Variants in DSCAML1 observed in about 807,000 individuals in gnomAD.
DSCAML1 encodes DS cell adhesion molecule like 1.
Under a neutral mutation model 200.5 loss-of-function variants are expected in DSCAML1, and 38 were observed. That is an observed-to-expected ratio of 0.19 (90% confidence interval 0.15 to 0.25). The LOEUF (loss-of-function observed/expected upper bound fraction) is 0.25. DSCAML1 is among the 10% of genes least tolerant of loss of function. The pLI, the probability that DSCAML1 is intolerant of heterozygous loss-of-function variation, is 1.00. For missense variants in DSCAML1, 2,223 were observed against 2,858.8 expected, an observed-to-expected ratio of 0.78 and a Z score of 5.07; for synonymous variants, 1,215 against 1,165.0, an observed-to-expected ratio of 1.04 and a Z score of -0.87.
At chr11:117,795,824 G>C (rs577815759) in intron 1 of DSCAML1, among the ~76,000 whole-genome samples, 1 of 152,324 alleles carries the variant, frequency 6.6e-6, no homozygotes, top group African/African-American at 2.4e-5. Flanking sequence ...CCCTCCCCGG[G>C]TGGCAACCCT....
rs1467457863 is a variant in DSCAML1, at chr11:117,489,601, G to A, written c.2360-7439C>T. Among the ~76,000 whole-genome samples the A allele has an allele frequency of 6.6e-6, 1 of 152,142 alleles. No homozygotes were observed. Among genetic ancestry groups the A allele is most frequent in the Non-Finnish European group, 1.5e-5 (1 of 68,002 alleles). On this transcript the variant is annotated intron_variant, in intron 11 of 32. Transcript: ENST00000651296. The surrounding 1 kb of genome is among the most constrained non-coding windows in gnomAD (Gnocchi z 4.8). Reference sequence around the variant, plus strand: ...TAGGGTCTTCTCTCTGAGACCCTGGGGGAGTGAAGACCCTGGTGTGAAGAC... The same window carrying A: ...TAGGGTCTTCTCTCTGAGACCCTGGAGGAGTGAAGACCCTGGTGTGAAGAC...
At chr11:117,745,526 C>T (rs2054503121) in intron 3 of DSCAML1, among the ~76,000 whole-genome samples, 1 of 152,138 alleles carries the variant, frequency 6.6e-6, no homozygotes, top group South Asian at 2.1e-4. Flanking sequence ...TCCCGGCCCT[C>T]CTAGTCTCAC....
intron 3 of DSCAML1, among the ~76,000 whole-genome samples, chr11:117,591,637 A>G (rs1036736516): frequency 6.6e-6 from 1 of 152,170 alleles, no homozygotes; most frequent in Non-Finnish European, 1.5e-5. Flanking sequence ...CTCACTTTGC[A>G]TTCCTTCGGA....
At chr11:117,736,838 T>C (rs774416791) in intron 3 of DSCAML1, among the ~76,000 whole-genome samples, 61 of 152,236 alleles carry the variant, frequency 4.0e-4, no homozygotes, top group East Asian at 1.9e-4. Flanking sequence ...CAACTGTGAA[T>C]TGTAGGTCCC....
At chr11:117,442,333 A>AGTGTGTAT (rs58881481) in intron 21 of DSCAML1, among the ~76,000 whole-genome samples, 30,618 of 150,090 alleles carry the variant, frequency 0.2, 4,272 homozygotes, top group East Asian at 0.59. Context: ...TAGTGTGTAT[A>AGTGTGTAT]GTGTGTATGT....
chr11:117,438,960 T>C lies in DSCAML1; in HGVS notation c.4168A>G (p.Thr1390Ala). ...VQVPPDQPRL[T>A]VSKTSASSIT... ...GACGAAGCTGAGGTTTTGGAGACAGTGAGGCGGGGCTGGTCCGGGGGAACT... is the reference window on the plus strand; with the variant it reads ...GACGAAGCTGAGGTTTTGGAGACAGCGAGGCGGGGCTGGTCCGGGGGAACT... The change falls in exon 24 of 33, where the codon ACT (threonine) becomes GCT (alanine). Residue 1390 changes from threonine to alanine, a missense_variant. This residue lies in a region of DSCAML1 where 614 missense variants were observed against 739.1 expected (regional missense o/e 0.83). Coordinates refer to ENST00000651296, the MANE Select transcript of DSCAML1 (RefSeq NM_020693.4). 1.2e-6 allele frequency: 2 copies of C among 1,608,372 alleles called. No individual in the cohort carries two copies. The highest frequency in any genetic ancestry group is 1.7e-6 in the Non-Finnish European group (2 of 1,178,096).
intron 3 of DSCAML1, among the ~76,000 whole-genome samples, chr11:117,628,831 C>T (rs77915118): frequency 0.025 from 3,852 of 152,190 alleles, 167 homozygotes; most frequent in African/African-American, 0.085. Flanking sequence ...CTCAATCTGC[C>T]CATTTTACAG....
chr11:117,651,851 T>C (rs1402808695), intron 3 of DSCAML1, among the ~76,000 whole-genome samples: 1 of 152,012 alleles, frequency 6.6e-6, no homozygotes, highest in East Asian at 1.9e-4. Flanking sequence ...ATCCCCGATG[T>C]CTCCCCGAGC....
chr11:117,488,540 G>C (rs12222916), intron 11 of DSCAML1, among the ~76,000 whole-genome samples: 25,212 of 150,994 alleles, frequency 0.17, 2,257 homozygotes, highest in South Asian at 0.24. Flanking sequence ...CACAGACACA[G>C]ACACACACAC....
intron 3 of DSCAML1, among the ~76,000 whole-genome samples, chr11:117,641,033 A>T (rs1042922010): frequency 2.0e-5 from 3 of 152,230 alleles, no homozygotes; most frequent in Non-Finnish European, 4.4e-5. Flanking sequence ...ATTTTGATAG[A>T]GGGGAATACA....
chr11:117,677,074 T>C (rs552476308), intron 3 of DSCAML1, among the ~76,000 whole-genome samples: 26 of 152,344 alleles, frequency 1.7e-4, no homozygotes, highest in African/African-American at 5.1e-4. Flanking sequence ...CACAAAGGTT[T>C]GAGTAAGTCC....
At chr11:117,761,437 C>A (rs1030689916) in intron 3 of DSCAML1, among the ~76,000 whole-genome samples, 3 of 152,230 alleles carry the variant, frequency 2.0e-5, no homozygotes, top group African/African-American at 7.2e-5. Flanking sequence ...GAACCAGGAG[C>A]CCCAGATGTG....
At chr11:117,482,289 C>A in intron 11 of DSCAML1, 127 bp from the exon 12 acceptor site, 1 of 1,084,454 alleles carries the variant, frequency 9.2e-7, no homozygotes. Context: ...TAAAGGAGTA[C>A]AGGGAACCCC....
chr11:117,429,740 G>A (rs969165590), intron 32 of DSCAML1, among the ~76,000 whole-genome samples: 6 of 152,148 alleles, frequency 3.9e-5, no homozygotes, highest in East Asian at 1.9e-4. Flanking sequence ...CTGACCCCCC[G>A]TGCTCCATGG....
chr11:117,686,700 G>A (rs1409829264), intron 3 of DSCAML1, among the ~76,000 whole-genome samples: 1 of 152,228 alleles, frequency 6.6e-6, no homozygotes, highest in African/African-American at 2.4e-5. Context: ...TTAAGGAAGA[G>A]GCAGGCACAT....
Position 117,497,754 on chromosome 11 carries a change from C to T in DSCAML1, c.2359+6091G>A, listed in dbSNP as rs151008352. 5.9e-3 allele frequency among the ~76,000 whole-genome samples: 900 copies of T among 152,318 alleles called. 9 individuals are homozygous for T. The highest frequency in any genetic ancestry group is 0.019 in the African/African-American group (789 of 41,570). On this transcript the variant is annotated intron_variant, in intron 11 of 32. Transcript: ENST00000651296. ...CACCTGGAGGCTGGGCAGGTGAGGC[C>T]GACTATGATCATTACCTGGCTGGAG...
chr11:117,623,939 T>C (rs1413392340), intron 3 of DSCAML1, among the ~76,000 whole-genome samples: 1 of 152,188 alleles, frequency 6.6e-6, no homozygotes, highest in Non-Finnish European at 1.5e-5. Context: ...AATGGCTTGC[T>C]GTTCCCCTGC....
chr11:117,706,121 C>G (rs565407538), intron 3 of DSCAML1, among the ~76,000 whole-genome samples: 1 of 152,252 alleles, frequency 6.6e-6, no homozygotes, highest in African/African-American at 2.4e-5. Flanking sequence ...CACCACTGAG[C>G]AGCTCATCTC....
chr11:117,523,674 AG>A lies in DSCAML1; in HGVS notation c.937+1130del, dbSNP rs1319086520. On this transcript the variant is annotated intron_variant, in intron 5 of 32. Transcript: ENST00000651296. Reference sequence around the variant, plus strand: ...GCTGTGGGAGTCAGACACTAGGCCCAGAAGTGGGCTCTGCTGTGGTTCTCTG... The same window carrying A: ...GCTGTGGGAGTCAGACACTAGGCCCAAAGTGGGCTCTGCTGTGGTTCTCTG... 2.6e-5 allele frequency among the ~76,000 whole-genome samples: 4 copies of A among 152,220 alleles called. No homozygotes were observed. The East Asian group carries it at 7.7e-4, about 29-fold the overall frequency.
Sources: gnomAD v4.1 joint callset for allele counts (sites outside exome capture counted in the v4.1 genomes callset) on GRCh38, gnomAD v4.1.1 for gene constraint, gnomAD v4.1.1 regional missense constraint, Gnocchi (gnomAD v3.1) non-coding constraint, MANE v1.5 for transcripts, NCBI Gene and HGNC (gene_info 2026-07-23, HGNC 2026-07-21) for gene names.